TMEM135: variants seen among roughly 807,000 people sequenced by gnomAD.
The protein encoded by TMEM135 is transmembrane protein 135, also known as peroxisomal membrane protein 52.
A neutral mutation model predicts 60.3 loss-of-function variants in TMEM135; 30 were observed. The ratio of observed to expected loss-of-function variants is 0.50; its 90% CI spans 0.37 to 0.68. The LOEUF is 0.68. Among genes scored for constraint, TMEM135 ranks in the 30% least tolerant of loss-of-function variants. The pLI, the probability that TMEM135 is intolerant of heterozygous loss-of-function variation, is 0.00. For synonymous variants in TMEM135, 190 were observed against 186.7 expected, an observed-to-expected ratio of 1.02 and a Z score of -0.14; for missense variants, 468 against 548.8, an observed-to-expected ratio of 0.85 and a Z score of 1.47.
Position 87,232,726 on chromosome 11 carries a change from T to C in TMEM135, c.463-3912T>C, listed in dbSNP as rs150682293. The stretch of plus-strand genomic sequence containing the variant: ...CGAGGGCAGAAATGGAAATACATTA[T>C]TGGAAGATTTGTATTCTATGTGTTA... On this transcript the variant is annotated intron_variant, in intron 5 of 14. Transcript: ENST00000305494. Among the ~76,000 whole-genome samples the C allele has an allele frequency of 2.0e-3, 304 of 152,256 alleles. 1 individual carries two copies. The highest frequency in any genetic ancestry group is 7.0e-3 in the African/African-American group (289 of 41,558).
intron 6 of TMEM135, among the ~76,000 whole-genome samples, chr11:87,238,140 C>T (rs1941046504): frequency 6.6e-6 from 1 of 151,890 alleles, no homozygotes; most frequent in African/African-American, 2.4e-5. Context: ...GTACAGATAT[C>T]TCTTCGATAT....
intron 2 of TMEM135, among the ~76,000 whole-genome samples, chr11:87,069,284 C>CAAAAAAAAAA (rs778885228): frequency 6.7e-4 from 42 of 62,428 alleles, no homozygotes; most frequent in East Asian, 1.7e-3. Context: ...GACTCCGTCT[C>CAAAAAAAAAA]AAAAAAAAAA....
chr11:87,128,065 T>C (rs896514919), intron 4 of TMEM135, among the ~76,000 whole-genome samples: 2 of 152,204 alleles, frequency 1.3e-5, no homozygotes, highest in Non-Finnish European at 2.9e-5. Context: ...GGTCCAACTC[T>C]AGTTATTCTC....
chr11:87,070,402 T>TG (rs1342613218), intron 2 of TMEM135, among the ~76,000 whole-genome samples: 2 of 151,962 alleles, frequency 1.3e-5, no homozygotes, highest in Non-Finnish European at 2.9e-5. Context: ...CCCAGCACTT[T>TG]GGGGGGCCGA....
intron 6 of TMEM135, chr11:87,277,264 TG>T: frequency 7.8e-6 from 3 of 384,992 alleles, no homozygotes; most frequent in African/African-American, 2.1e-5. Context: ...CCTGAGTAGC[TG>T]GGATTACAGA....
chr11:87,213,219 T>G (rs1398833924), intron 5 of TMEM135, among the ~76,000 whole-genome samples: 4 of 152,194 alleles, frequency 2.6e-5, no homozygotes, highest in African/African-American at 9.7e-5. Flanking sequence ...ATGGTCTCTG[T>G]GTGTGTTAAG....
intron 5 of TMEM135, among the ~76,000 whole-genome samples, chr11:87,217,508 G>A (rs751530369): frequency 3.9e-5 from 6 of 152,184 alleles, no homozygotes; most frequent in African/African-American, 1.2e-4. Context: ...ATTTGGGGCC[G>A]GGTGCGGTGG....
intron 6 of TMEM135, among the ~76,000 whole-genome samples, chr11:87,249,797 G>T (rs1480668165): frequency 2.0e-5 from 3 of 152,014 alleles, no homozygotes; most frequent in Non-Finnish European, 4.4e-5. Flanking sequence ...TATGTGTTTG[G>T]TTTTGATATC....
At chr11:87,084,928 TC>T (rs1857064592) in intron 3 of TMEM135, among the ~76,000 whole-genome samples, 1 of 152,154 alleles carries the variant, frequency 6.6e-6, no homozygotes, top group Non-Finnish European at 1.5e-5. Flanking sequence ...AATGGGCACC[TC>T]CCCCTCTCCA....
rs774905856 is a variant in TMEM135, at chr11:87,327,119, C to T, written c.*5786C>T. 54 of 453,816 alleles carry T rather than the reference C, an allele frequency of 1.2e-4. No homozygotes were observed. The highest frequency in any genetic ancestry group is 6.8e-4 in the Middle Eastern group (1 of 1,466). 28.1% of individuals were successfully genotyped at this position (453,816 alleles called of 1,614,324 possible). ...TTCATGTCTTTCCTTTCTTCTTGTC[C>T]AGATACTTTTCCAACCAGCCTTTAC... is the stretch of plus-strand genomic sequence containing the variant. On this transcript the variant is annotated 3_prime_UTR_variant, in exon 15 of 15. Transcript: ENST00000305494.
At chr11:87,260,064 T>A (rs1941618447) in intron 6 of TMEM135, among the ~76,000 whole-genome samples, 1 of 152,222 alleles carries the variant, frequency 6.6e-6, no homozygotes, top group Admixed American at 6.5e-5. Flanking sequence ...AAATGCTTTC[T>A]AAAGTGATTT....
chr11:87,180,374 C>T (rs945302508), intron 5 of TMEM135, among the ~76,000 whole-genome samples: 1 of 152,044 alleles, frequency 6.6e-6, no homozygotes, highest in African/African-American at 2.4e-5. Context: ...CTTGCCACTT[C>T]TCCCCAAGGC....
Position 87,319,303 on chromosome 11 carries a change from T to A in TMEM135, c.1177-7T>A. On this transcript the variant is annotated splice_polypyrimidine_tract_variant and splice_region_variant and intron_variant, in intron 13 of 14. Coordinates refer to ENST00000305494, the MANE Select transcript of TMEM135 (RefSeq NM_022918.4). Reference sequence around the variant, plus strand: ...TTACTAAAAGAATTCTCAAATTTAATACTCAGGCTGTCATGGAAGTTCAGA... The same window carrying A: ...TTACTAAAAGAATTCTCAAATTTAAAACTCAGGCTGTCATGGAAGTTCAGA... 6.2e-7 allele frequency: 1 copy of A among 1,609,728 alleles called. No homozygotes were observed. The highest frequency in any genetic ancestry group is 8.5e-7 in the Non-Finnish European group (1 of 1,176,166).
intron 6 of TMEM135, among the ~76,000 whole-genome samples, chr11:87,274,786 CTGTGTGTGTGTG>C (rs10655114): frequency 4.8e-4 from 62 of 129,284 alleles, no homozygotes; most frequent in African/African-American, 1.4e-3. Context: ...CATAGCAAGA[CTGTGTGTGTGTG>C]TGTGTGTGTG....
intron 1 of TMEM135, among the ~76,000 whole-genome samples, chr11:87,042,816 A>T (rs1949761554): frequency 6.6e-6 from 1 of 152,110 alleles, no homozygotes; most frequent in South Asian, 2.1e-4. Context: ...ACAACTGTTT[A>T]GTCGGTATTC....
At chr11:87,137,155 GCT>G (rs1418237527) in intron 4 of TMEM135, among the ~76,000 whole-genome samples, 4 of 151,858 alleles carry the variant, frequency 2.6e-5, no homozygotes, top group African/African-American at 4.8e-5. Flanking sequence ...GTATTTTAAA[GCT>G]CTGTTTTTAG....
intron 5 of TMEM135, among the ~76,000 whole-genome samples, chr11:87,188,810 TC>T (rs1431558161): frequency 1.3e-5 from 2 of 152,174 alleles, no homozygotes; most frequent in Admixed American, 6.5e-5. Context: ...GTTTTTTCAC[TC>T]TTTTCTATTC....
At chr11:87,086,986 A>T (rs1449121567) in intron 3 of TMEM135, among the ~76,000 whole-genome samples, 2 of 152,048 alleles carry the variant, frequency 1.3e-5, no homozygotes, top group Non-Finnish European at 2.9e-5. Context: ...CTTTCTGCTG[A>T]TGGGGGTGCT....
At chr11:87,128,047 C>G (rs984986492) in intron 4 of TMEM135, among the ~76,000 whole-genome samples, 1 of 151,840 alleles carries the variant, frequency 6.6e-6, no homozygotes, top group Admixed American at 6.6e-5. Flanking sequence ...CTTACTTTGG[C>G]TTTTTTTGGT....
Sources: allele counts gnomAD v4.1 joint callset (sites outside exome capture counted in the v4.1 genomes callset), GRCh38; gene constraint gnomAD v4.1.1; transcripts MANE v1.5; gene names NCBI Gene and HGNC (gene_info 2026-07-23, HGNC 2026-07-21).